The following ENPP2 variants were observed in gnomAD, a reference collection of about 807,000 sequenced individuals.
ENPP2 encodes autotaxin.
Under a neutral mutation model 120.2 loss-of-function variants are expected in ENPP2, and 51 were observed. The observed-to-expected ratio is 0.42, with a 90% CI of 0.34 to 0.54. ENPP2 has a LOEUF of 0.54. Among genes scored for constraint, ENPP2 ranks in the 20% least tolerant of loss-of-function variants. The probability of loss-of-function intolerance (pLI) is 0.04; values close to 1 mark genes in which losing one functional copy is unlikely to be tolerated. For synonymous variants in ENPP2, 365 were observed against 366.4 expected (o/e 1.00, Z 0.04); for missense variants, 920 against 1,066.5 (o/e 0.86, Z 1.91).
chr8:119,672,944 G>T (rs574711472), intron 1 of ENPP2, among the ~76,000 whole-genome samples: 1 of 152,340 alleles, frequency 6.6e-6, no homozygotes, highest in African/African-American at 2.4e-5. Flanking sequence ...GCTGAGGGTC[G>T]CCCGCTTGCA....
At chr8:119,572,617 A>G (rs1298920180) in intron 19 of ENPP2, 1 of 174,066 alleles carries the variant, frequency 5.7e-6, no homozygotes, top group African/African-American at 2.4e-5. Context: ...TCTCTCTACC[A>G]GAAATAACTT....
chr8:119,618,485 C>A, intron 5 of ENPP2: 1 of 377,170 alleles, frequency 2.7e-6, no homozygotes, highest in Admixed American at 3.4e-5. Flanking sequence ...ATTTAATTCT[C>A]TCTTTGGTTG....
chr8:119,631,204 C>CTTTTT (rs60092023), intron 2 of ENPP2, among the ~76,000 whole-genome samples: 7 of 61,778 alleles, frequency 1.1e-4, no homozygotes, highest in Admixed American at 2.0e-4. Context: ...ATGCTGCTAT[C>CTTTTT]TTTTTTTTTT....
At chr8:119,646,030 A>C (rs1006291668) in intron 1 of ENPP2, among the ~76,000 whole-genome samples, 9 of 150,892 alleles carry the variant, frequency 6.0e-5, no homozygotes, top group Non-Finnish European at 1.2e-4. Flanking sequence ...GCGCAATGGC[A>C]CGATCTCGGC....
At chr8:119,611,607 A>G (rs979650819) in intron 8 of ENPP2, among the ~76,000 whole-genome samples, 7 of 152,154 alleles carry the variant, frequency 4.6e-5, no homozygotes, top group African/African-American at 1.7e-4. Context: ...AACAAAGAAC[A>G]GTTCCATCCG....
intron 19 of ENPP2, chr8:119,573,224 T>C (rs566078169): frequency 6.6e-6 from 1 of 152,108 alleles, no homozygotes; most frequent in African/African-American, 2.4e-5. Flanking sequence ...CTGGCCAACA[T>C]GGCAAAACCC....
In ENPP2 at chr8:119,582,612, A is replaced by T; in HGVS notation, c.1544-10T>A. 6.2e-7 allele frequency: 1 copy of T among 1,601,610 alleles called. No individual in the cohort carries two copies. Among genetic ancestry groups the T allele is most frequent in the Non-Finnish European group, 8.5e-7 (1 of 1,169,884 alleles). On this transcript the variant is annotated splice_polypyrimidine_tract_variant and intron_variant, in intron 17 of 24. Transcript: ENST00000075322. The stretch of plus-strand genomic sequence containing the variant: ...TTCAATCCCAGGAGATCTAATGAAA[A>T]TTAAGAAAAGGAGGCAGGTGCTTCT...
At chr8:119,654,674 A>G (rs1817719919) in intron 1 of ENPP2, among the ~76,000 whole-genome samples, 1 of 151,958 alleles carries the variant, frequency 6.6e-6, no homozygotes, top group Non-Finnish European at 1.5e-5. Flanking sequence ...AGGCAAAACT[A>G]GAAGTTACAG....
intron 1 of ENPP2, among the ~76,000 whole-genome samples, chr8:119,671,376 G>T (rs1403527514): frequency 2.6e-5 from 4 of 152,186 alleles, no homozygotes; most frequent in African/African-American, 7.2e-5. Context: ...ACTGGCCCCA[G>T]ATGAGACTAA....
intron 19 of ENPP2, among the ~76,000 whole-genome samples, chr8:119,573,408 T>TAAAAA (rs35227070): frequency 8.0e-6 from 1 of 124,386 alleles, no homozygotes; most frequent in African/African-American, 3.4e-5. Flanking sequence ...CTCCGTCTCT[T>TAAAAA]AAAAAAAAAA....
intron 12 of ENPP2, among the ~76,000 whole-genome samples, chr8:119,593,530 G>A (rs1296831113): frequency 6.6e-6 from 1 of 152,130 alleles, no homozygotes; most frequent in Admixed American, 6.5e-5. Flanking sequence ...GCAAATAACA[G>A]AAATATATAA....
intron 10 of ENPP2, among the ~76,000 whole-genome samples, chr8:119,601,034 G>A (rs1814265283): frequency 6.6e-6 from 1 of 152,148 alleles, no homozygotes. Flanking sequence ...GAGCCTGGCG[G>A]TAATTCACAT....
chr8:119,600,379 G>A (rs975119641), intron 11 of ENPP2, among the ~76,000 whole-genome samples: 1 of 151,982 alleles, frequency 6.6e-6, no homozygotes, highest in Non-Finnish European at 1.5e-5. Context: ...CAACTCTTCC[G>A]AATTATTCAC....
intron 24 of ENPP2, among the ~76,000 whole-genome samples, chr8:119,557,969 G>C (rs1813602516): frequency 6.6e-6 from 1 of 152,132 alleles, no homozygotes; most frequent in Non-Finnish European, 1.5e-5. Flanking sequence ...TAGGTTCTCA[G>C]AACATAAATC....
chr8:119,603,490 G>GT (rs746819952), intron 9 of ENPP2, among the ~76,000 whole-genome samples: 4 of 152,128 alleles, frequency 2.6e-5, no homozygotes, highest in Non-Finnish European at 5.9e-5. Context: ...GAGTGCTTGG[G>GT]TTTGTATCCT....
chr8:119,562,301 G>T (rs1316613473), intron 24 of ENPP2, among the ~76,000 whole-genome samples: 36 of 146,086 alleles, frequency 2.5e-4, no homozygotes, highest in Middle Eastern at 4.5e-3. Flanking sequence ...AAATTAGCTG[G>T]GCATGGTGGT....
chr8:119,662,952 A>T (rs72688241), intron 1 of ENPP2, among the ~76,000 whole-genome samples: 1 of 152,028 alleles, frequency 6.6e-6, no homozygotes, highest in Non-Finnish European at 1.5e-5. Flanking sequence ...CTCTACCAAA[A>T]ATATATTTTT....
chr8:119,639,513 G>A (rs1817199661), upstream of ENPP2, among the ~76,000 whole-genome samples: 2 of 152,050 alleles, frequency 1.3e-5, no homozygotes, highest in South Asian at 2.1e-4. Context: ...TGCCAGCCAC[G>A]CAGCATAAAG....
chr8:119,607,159 C>T (rs572841365), intron 9 of ENPP2, among the ~76,000 whole-genome samples: 32 of 152,220 alleles, frequency 2.1e-4, no homozygotes, highest in African/African-American at 7.7e-4. Context: ...ACGACTCCTT[C>T]GGCTCCCCAG....
Sources: allele counts gnomAD v4.1 joint callset (sites outside exome capture counted in the v4.1 genomes callset), GRCh38; gene constraint gnomAD v4.1.1; transcripts MANE v1.5; gene names NCBI Gene and HGNC (gene_info 2026-07-23, HGNC 2026-07-21).